The following PEX14 variants were observed in gnomAD, a reference collection of about 807,000 sequenced individuals.
PEX14 encodes peroxisomal membrane protein PEX14.
Under a neutral mutation model 49.5 loss-of-function variants are expected in PEX14, and 15 were observed. That is an observed-to-expected ratio of 0.30 (90% CI 0.20 to 0.47). The LOEUF is 0.47. PEX14 is among the 20% of genes least tolerant of loss of function. The pLI is 1.00. For missense variants in PEX14, 398 were observed against 494.8 expected, an observed-to-expected ratio of 0.80 and a Z score of 1.86; for synonymous variants, 210 against 212.7, an observed-to-expected ratio of 0.99 and a Z score of 0.11.
intron 1 of PEX14, among the ~76,000 whole-genome samples, chr1:10,481,433 C>CTTTG (rs563265384): frequency 2.6e-4 from 39 of 151,914 alleles, no homozygotes; most frequent in African/African-American, 5.6e-4. Flanking sequence ...CAGCCTTAAA[C>CTTTG]TTTGTTTGTT....
chr1:10,487,771 C>G (rs1209111941), intron 1 of PEX14, among the ~76,000 whole-genome samples: 1 of 152,008 alleles, frequency 6.6e-6, no homozygotes, highest in East Asian at 1.9e-4. Flanking sequence ...GCATGAGCCA[C>G]TGTGCCCGGC....
intron 3 of PEX14, among the ~76,000 whole-genome samples, chr1:10,568,006 G>A (rs1639857544): frequency 6.6e-6 from 1 of 152,116 alleles, no homozygotes; most frequent in South Asian, 2.1e-4. Flanking sequence ...TAATTTGAAG[G>A]CAGTTTTTAC....
chr1:10,585,317 G>C (rs1277817222), intron 3 of PEX14, among the ~76,000 whole-genome samples: 1 of 152,040 alleles, frequency 6.6e-6, no homozygotes, highest in Non-Finnish European at 1.5e-5. Context: ...GTAATAGAGA[G>C]AAAAACTGAA....
At chr1:10,581,614 A>G (rs1159406768) in intron 3 of PEX14, among the ~76,000 whole-genome samples, 2 of 151,762 alleles carry the variant, frequency 1.3e-5, no homozygotes, top group South Asian at 2.1e-4. Flanking sequence ...AATCCTTGTT[A>G]TTCTTATTTG....
In PEX14 at chr1:10,494,994, T is replaced by C. The variant is rs926767642; in HGVS notation, c.37-280T>C. 9 of 445,548 alleles carry C rather than the reference T, an allele frequency of 2.0e-5. No individual in the cohort carries two copies. Among genetic ancestry groups the C allele is most frequent in the Non-Finnish European group, 2.1e-5 (7 of 336,658 alleles). The allele number at this position is 445,548 out of a possible 1,614,324, so 27.6% of individuals were successfully genotyped here. ...ATGGTCCCCAGCCCTTGCTGCTCAG[T>C]AGGTGATCGTGGGCCTTCCTGAGCA... On this transcript the variant is annotated intron_variant, in intron 1 of 8. Coordinates refer to ENST00000356607, the MANE Select transcript of PEX14 (RefSeq NM_004565.3). This position sits in a 1 kb window ranked among gnomAD's most constrained non-coding sequence, Gnocchi z 4.3.
At chr1:10,618,254 TGAGGCACCTGTGC>T in intron 4 of PEX14, 65 bp from the exon 5 acceptor site, 1 of 1,075,510 alleles carries the variant, frequency 9.3e-7, no homozygotes. Flanking sequence ...ACTGTGCCAC[TGAGGCACCTGTGC>T]CAGCCCCCAC....
At chr1:10,525,981 G>A (rs1638465068) in intron 2 of PEX14, among the ~76,000 whole-genome samples, 1 of 149,552 alleles carries the variant, frequency 6.7e-6, no homozygotes, top group South Asian at 2.1e-4. Context: ...GAGTGCAGTG[G>A]TGTGATCTTG....
chr1:10,599,653 C>T (rs1342247574), intron 4 of PEX14, among the ~76,000 whole-genome samples: 1 of 152,232 alleles, frequency 6.6e-6, no homozygotes, highest in East Asian at 1.9e-4. Flanking sequence ...TTTATTGATT[C>T]TGTTCCCATC....
chr1:10,530,409 G>C (rs1193486868), intron 2 of PEX14, among the ~76,000 whole-genome samples: 1 of 152,220 alleles, frequency 6.6e-6, no homozygotes, highest in Non-Finnish European at 1.5e-5. Flanking sequence ...GTGCGAGTTA[G>C]CGGAGCGGCC....
At chr1:10,581,554 T>G (rs1406238817) in intron 3 of PEX14, among the ~76,000 whole-genome samples, 1 of 151,788 alleles carries the variant, frequency 6.6e-6, no homozygotes, top group Non-Finnish European at 1.5e-5. Flanking sequence ...TCCACCCACC[T>G]TGGCCTCCCA....
intron 2 of PEX14, among the ~76,000 whole-genome samples, chr1:10,507,291 G>A (rs1189044901): frequency 1.3e-5 from 2 of 152,258 alleles, no homozygotes; most frequent in East Asian, 1.9e-4. Context: ...TGTGGACCGC[G>A]CTGTCAGGCA....
rs142221991 is a variant in PEX14 at position 10,621,636 on chromosome 1, C to T, written c.385-1383C>T. ...CTGGGATTACAAGCGTGAGCCACCG[C>T]GCCCGGCCAAGAATTCTTTACCTTT... On this transcript the variant is annotated intron_variant, in intron 5 of 8. Transcript: ENST00000356607. Among the ~76,000 whole-genome samples the T allele has an allele frequency of 2.5e-3, 382 of 152,294 alleles. 3 individuals carry two copies. Among genetic ancestry groups the T allele is most frequent in the African/African-American group, 8.8e-3 (367 of 41,550 alleles).
intron 4 of PEX14, among the ~76,000 whole-genome samples, chr1:10,600,870 C>T (rs959992719): frequency 6.6e-6 from 1 of 150,622 alleles, no homozygotes; most frequent in Non-Finnish European, 1.5e-5. Context: ...GCAGTGGCTC[C>T]CGCCTGTAAT....
intron 1 of PEX14, among the ~76,000 whole-genome samples, chr1:10,476,446 T>C (rs1641196982): frequency 6.6e-6 from 1 of 152,170 alleles, no homozygotes; most frequent in Non-Finnish European, 1.5e-5. Context: ...TTTCTCTGAA[T>C]TGTTTTGTGT....
chr1:10,494,031 G>A lies in PEX14; in HGVS notation c.37-1243G>A, dbSNP rs117174759. Among the ~76,000 whole-genome samples, 196 of 152,328 alleles carry A rather than the reference G, an allele frequency of 1.3e-3. 2 individuals are homozygous for A. The East Asian group carries it at 0.034, about 26-fold the overall frequency. On this transcript the variant is annotated intron_variant, in intron 1 of 8. Coordinates refer to ENST00000356607, the MANE Select transcript of PEX14 (RefSeq NM_004565.3). The surrounding 1 kb of genome is among the most constrained non-coding windows in gnomAD (Gnocchi z 4.3). ...GCTTTGGGAGGACAGGAGGCAGGGA[G>A]GCAGGGGAAGCTTGCTCACATTCCC...
chr1:10,589,071 T>A (rs1640583708), intron 3 of PEX14, among the ~76,000 whole-genome samples: 1 of 152,194 alleles, frequency 6.6e-6, no homozygotes, highest in Non-Finnish European at 1.5e-5. Flanking sequence ...TTTTATACAG[T>A]GCAAATATTT....
intron 1 of PEX14, among the ~76,000 whole-genome samples, chr1:10,481,532 C>G (rs888731944): frequency 6.6e-6 from 1 of 152,238 alleles, no homozygotes; most frequent in East Asian, 1.9e-4. Flanking sequence ...GCCTTGACCT[C>G]CTGGGTTCAA....
chr1:10,530,036 C>T (rs1457282023), intron 2 of PEX14, among the ~76,000 whole-genome samples: 3 of 152,216 alleles, frequency 2.0e-5, no homozygotes, highest in Non-Finnish European at 4.4e-5. Flanking sequence ...GAGTACAACT[C>T]ACTGTCTTTA....
At chr1:10,475,076 G>A (rs889473173) in intron 1 of PEX14, 74 bp downstream of exon 1, 84 of 1,413,248 alleles carry the variant, frequency 5.9e-5, no homozygotes, top group Non-Finnish European at 8.1e-5. Context: ...ACGGCTGGGA[G>A]CCGGGTAGGG....
Sources: allele counts gnomAD v4.1 joint callset (sites outside exome capture counted in the v4.1 genomes callset), GRCh38; gene constraint gnomAD v4.1.1; non-coding constraint Gnocchi (gnomAD v3.1); transcripts MANE v1.5; gene names NCBI Gene and HGNC (gene_info 2026-07-23, HGNC 2026-07-21).